NPSR1: variants seen among roughly 807,000 people sequenced by gnomAD.
NPSR1 encodes the protein neuropeptide S receptor 1, also known as neuropeptide S receptor.
NPSR1 carries 48 observed loss-of-function variants against 46.9 expected under a neutral mutation model. The ratio of observed to expected loss-of-function variants is 1.02; its 90% confidence interval spans 0.81 to 1.30. The LOEUF (loss-of-function observed/expected upper bound fraction) is 1.30. NPSR1 is among the 50% of genes most tolerant of loss of function. NPSR1 has a pLI of 0.00. For synonymous variants in NPSR1, 176 were observed against 168.1 expected (o/e 1.05, Z -0.36); for missense variants, 450 against 449.5 (o/e 1.00, Z -0.01).
downstream of NPSR1, among the ~76,000 whole-genome samples, chr7:34,854,234 G>A (rs1160277632): frequency 2.0e-5 from 3 of 152,052 alleles, no homozygotes; most frequent in Admixed American, 6.5e-5. Flanking sequence ...AAGAAAGCAA[G>A]AAAAGAGAGA....
chr7:34,826,614 G>A (rs1313656826), intron 4 of NPSR1, among the ~76,000 whole-genome samples: 4 of 152,154 alleles, frequency 2.6e-5, no homozygotes, highest in Non-Finnish European at 5.9e-5. Flanking sequence ...TCATAACAAC[G>A]GGTGTATTTT....
At chr7:34,833,161 A>G (rs952329979) in intron 5 of NPSR1, among the ~76,000 whole-genome samples, 11 of 152,354 alleles carry the variant, frequency 7.2e-5, no homozygotes, top group African/African-American at 2.6e-4. Flanking sequence ...GGCTACTGCA[A>G]ACTGAAGCTC....
chr7:34,752,815 C>T (rs947093600), intron 2 of NPSR1, among the ~76,000 whole-genome samples: 2 of 152,214 alleles, frequency 1.3e-5, no homozygotes, highest in African/African-American at 4.8e-5. Flanking sequence ...GCCCTTCTCT[C>T]ACCTGATCTC....
chr7:34,663,338 G>A (rs143936018), intron 1 of NPSR1, among the ~76,000 whole-genome samples: 58 of 152,042 alleles, frequency 3.8e-4, no homozygotes, highest in African/African-American at 1.4e-3. Flanking sequence ...CAATCCCAGC[G>A]ATAATTTCTG....
Position 34,712,163 on chromosome 7 carries a change from GT to G in NPSR1, c.280+27483del, listed in dbSNP as rs1202800931. 4.6e-4 allele frequency among the ~76,000 whole-genome samples: 70 copies of G among 152,096 alleles called. 1 individual carries two copies. Among genetic ancestry groups the G allele is most frequent in the Admixed American group, 4.6e-3 (70 of 15,262 alleles). On this transcript the variant is annotated intron_variant, in intron 2 of 8. Coordinates refer to ENST00000360581, the MANE Select transcript of NPSR1 (RefSeq NM_207172.2). ...CCACTGCAGATCAGGGACTGGATTT[GT>G]TTTGTTTTGTTTTAGTTTTTATACA...
chr7:34,696,281 T>TGGAAATA (rs1279872564), intron 2 of NPSR1, among the ~76,000 whole-genome samples: 1 of 151,818 alleles, frequency 6.6e-6, no homozygotes, highest in East Asian at 1.9e-4. Context: ...GATAAAAAGA[T>TGGAAATA]GGAAATAATA....
chr7:34,776,791 A>G lies in NPSR1; in HGVS notation c.281-1671A>G, dbSNP rs1002520494. On this transcript the variant is annotated intron_variant, in intron 2 of 8. Coordinates refer to ENST00000360581, the MANE Select transcript of NPSR1 (RefSeq NM_207172.2). ...TAGTTAGCAGGTGATGAATGTTGCC[A>G]GGACTATGTCCTTCCCTTCAAGGCA... Among the ~76,000 whole-genome samples the G allele has an allele frequency of 7.2e-5, 11 of 152,182 alleles. 1 individual carries two copies. Among genetic ancestry groups the G allele is most frequent in the Admixed American group, 5.2e-4 (8 of 15,274 alleles).
At chr7:34,692,270 G>T (rs949895763) in intron 2 of NPSR1, among the ~76,000 whole-genome samples, 5 of 151,912 alleles carry the variant, frequency 3.3e-5, no homozygotes, top group African/African-American at 1.2e-4. Flanking sequence ...TCTGTACATG[G>T]AACATTCTCC....
intron 1 of NPSR1, among the ~76,000 whole-genome samples, chr7:34,659,647 T>C (rs13235228): frequency 0.26 from 39,810 of 152,084 alleles, 5,540 homozygotes; most frequent in South Asian, 0.34. Context: ...CTGAGCAAAC[T>C]ACTCCTCCAC....
In NPSR1 at chr7:34,758,439, C is replaced by T. The variant is rs577250279; in HGVS notation, c.281-20023C>T. On this transcript the variant is annotated intron_variant, in intron 2 of 8. Coordinates refer to ENST00000360581, the MANE Select transcript of NPSR1 (RefSeq NM_207172.2). ...AAACTTGCTGAACAATTCTAAAGCT[C>T]ACTTCTCAATATAACAGCAGCCCTT... is the stretch of plus-strand genomic sequence containing the variant. Among the ~76,000 whole-genome samples the T allele has an allele frequency of 3.3e-5, 5 of 152,294 alleles. No homozygotes were observed. In the South Asian group the frequency reaches 6.2e-4, roughly 19 times the overall value.
intron 2 of NPSR1, chr7:34,753,684 C>T (rs1785663249): frequency 6.6e-6 from 1 of 152,002 alleles, no homozygotes; most frequent in South Asian, 2.1e-4. Flanking sequence ...ACAGCCACTG[C>T]ACTACAATGT....
chr7:34,711,222 G>A (rs1223390216), intron 2 of NPSR1: 1 of 165,866 alleles, frequency 6.0e-6, no homozygotes, highest in African/African-American at 2.4e-5. Context: ...TACAAGCATT[G>A]TTATGGCAAG....
intron 1 of NPSR1, among the ~76,000 whole-genome samples, chr7:34,679,020 TTTTA>T (rs1792477955): frequency 6.6e-6 from 1 of 152,160 alleles, no homozygotes; most frequent in African/African-American, 2.4e-5. Flanking sequence ...TCTTAATTAA[TTTTA>T]TTTCTCAGTG....
chr7:34,842,214 G>A (rs1273866203), intron 6 of NPSR1, among the ~76,000 whole-genome samples: 1 of 152,222 alleles, frequency 6.6e-6, no homozygotes, highest in Non-Finnish European at 1.5e-5. Flanking sequence ...TGGGAGAACT[G>A]AAGCCGGGAA....
chr7:34,790,748 TATATGTTATATGTTATATATA>T (rs1398204844), intron 3 of NPSR1, among the ~76,000 whole-genome samples: 1,621 of 126,350 alleles, frequency 0.013, 6 homozygotes, highest in East Asian at 0.021. Context: ...TTATATATAA[TATATGTTATATGTTATATATA>T]ATATATGTTA....
intron 2 of NPSR1, chr7:34,685,910 A>G (rs993078264): frequency 1.2e-5 from 3 of 255,072 alleles, no homozygotes; most frequent in African/African-American, 7.1e-5. Context: ...AAGAACTCCA[A>G]TTTTTCACTC....
intron 3 of NPSR1, among the ~76,000 whole-genome samples, chr7:34,798,689 A>G (rs1035856003): frequency 6.6e-6 from 1 of 152,202 alleles, no homozygotes; most frequent in African/African-American, 2.4e-5. Context: ...TATCAAACTT[A>G]TATGCGATTT....
chr7:34,675,571 T>G (rs1394642335), intron 1 of NPSR1, among the ~76,000 whole-genome samples: 1 of 152,246 alleles, frequency 6.6e-6, no homozygotes, highest in Non-Finnish European at 1.5e-5. Context: ...AAGCACCTTC[T>G]ACGGGCCAGA....
In NPSR1 at chr7:34,710,932, G is replaced by A. The variant is rs534800198; in HGVS notation, c.280+26248G>A. The A allele has an allele frequency of 4.7e-5, 18 of 383,814 alleles. 1 individual carries two copies. In the East Asian group the frequency reaches 6.0e-4, roughly 13 times the overall value. The allele number at this position is 383,814 out of a possible 1,614,324, so 23.8% of individuals were successfully genotyped here. Reference sequence around the variant, plus strand: ...TGAAAAAGTGAAACACTATCACAAGGAGTACAGGCAGATGGGACAGAACTG... The same window carrying A: ...TGAAAAAGTGAAACACTATCACAAGAAGTACAGGCAGATGGGACAGAACTG... On this transcript the variant is annotated intron_variant, in intron 2 of 8. Coordinates refer to ENST00000360581, the MANE Select transcript of NPSR1 (RefSeq NM_207172.2).
Sources: allele counts gnomAD v4.1 joint callset (sites outside exome capture counted in the v4.1 genomes callset), GRCh38; gene constraint gnomAD v4.1.1; transcripts MANE v1.5; gene names NCBI Gene and HGNC (gene_info 2026-07-23, HGNC 2026-07-21).